CRADD: variants seen among roughly 807,000 people sequenced by gnomAD.
CRADD encodes death domain-containing protein CRADD.
In CRADD, 9 loss-of-function variants were observed where a neutral mutation model predicts 15.5. The observed-to-expected ratio is 0.58, with a 90% CI of 0.35 to 1.01. The LOEUF is 1.01. Ranked by LOEUF, CRADD falls within the 50% of genes least tolerant of loss-of-function variation. The probability of loss-of-function intolerance (pLI) is 0.02; values close to 1 mark genes in which losing one functional copy is unlikely to be tolerated. For synonymous variants in CRADD, 118 were observed against 107.6 expected (o/e 1.10, Z -0.60); for missense variants, 227 against 250.3 (o/e 0.91, Z 0.63).
intron 2 of CRADD, among the ~76,000 whole-genome samples, chr12:93,723,295 T>C (rs993633954): frequency 6.6e-6 from 1 of 152,228 alleles, no homozygotes; most frequent in Non-Finnish European, 1.5e-5. Context: ...ACAAGATTCC[T>C]AAACTTCCCA....
At chr12:93,888,764 C>A (rs1958556166) in intron 2 of CRADD, among the ~76,000 whole-genome samples, 1 of 152,106 alleles carries the variant, frequency 6.6e-6, no homozygotes, top group Non-Finnish European at 1.5e-5. Flanking sequence ...GAGAAGTAGA[C>A]AGATTCAAGA....
At chr12:93,834,459 AATG>A (rs1208637582) in intron 2 of CRADD, among the ~76,000 whole-genome samples, 1 of 152,150 alleles carries the variant, frequency 6.6e-6, no homozygotes, top group East Asian at 1.9e-4. Flanking sequence ...TGAAGTATAT[AATG>A]TTATGTTCAG....
At chr12:93,727,213 A>T (rs965875774) in intron 2 of CRADD, among the ~76,000 whole-genome samples, 24 of 152,168 alleles carry the variant, frequency 1.6e-4, no homozygotes, top group African/African-American at 5.8e-4. Context: ...GTGCATTTGA[A>T]TAATTGGACA....
chr12:93,877,703 C>T (rs539284950), intron 2 of CRADD, among the ~76,000 whole-genome samples: 30 of 152,244 alleles, frequency 2.0e-4, no homozygotes, highest in African/African-American at 6.5e-4. Flanking sequence ...CTTAAGTCAG[C>T]TTATGGTGAA....
intron 2 of CRADD, among the ~76,000 whole-genome samples, chr12:93,823,664 G>A (rs1041897833): frequency 2.6e-5 from 4 of 152,134 alleles, no homozygotes; most frequent in East Asian, 1.9e-4. Context: ...TGTTCTCATC[G>A]TGTCTAACTT....
intron 2 of CRADD, among the ~76,000 whole-genome samples, chr12:93,875,590 G>T (rs967528146): frequency 3.3e-5 from 5 of 151,502 alleles, no homozygotes; most frequent in African/African-American, 1.2e-4. Context: ...TTGGTTTGAG[G>T]TTACCACAAA....
chr12:93,830,175 C>T (rs1957877341), intron 2 of CRADD, among the ~76,000 whole-genome samples: 1 of 152,154 alleles, frequency 6.6e-6, no homozygotes, highest in Admixed American at 6.5e-5. Flanking sequence ...GAATCTGCCC[C>T]TTCCTCGAAT....
In CRADD at chr12:93,893,369, G is replaced by A. The variant is rs559248077; in HGVS notation, c.299-681G>A. On this transcript the variant is annotated intron_variant, in intron 2 of 2. Transcript: ENST00000548483. ...CCTCATTACTTTCTGTTTGTTCATT[G>A]GACGGACACAATTCCTAGGGTGTTG... 1.7e-4 allele frequency among the ~76,000 whole-genome samples: 26 copies of A among 151,864 alleles called. No individual in the cohort carries two copies. In the South Asian group the frequency reaches 5.2e-3, roughly 30 times the overall value.
intron 2 of CRADD, among the ~76,000 whole-genome samples, chr12:93,847,060 G>A (rs970327772): frequency 1.3e-5 from 2 of 152,126 alleles, no homozygotes; most frequent in East Asian, 1.9e-4. Flanking sequence ...CTGAGATCAC[G>A]CCACTGCACT....
At chr12:93,857,957 A>G in intron 2 of CRADD, among the ~76,000 whole-genome samples, 1 of 152,232 alleles carries the variant, frequency 6.6e-6, no homozygotes, top group East Asian at 1.9e-4. Context: ...TTCCAACAAT[A>G]TATTTTTGTC....
rs190684170 is a variant in CRADD, at chr12:93,679,040, C to G, written c.266C>G (p.Ala89Gly). The change falls in exon 2 of 3, where the codon GCA becomes GGA. Residue 89 changes from alanine to glycine, a missense_variant. By Grantham distance (60) the Ala-to-Gly change is moderately conservative. Transcript: ENST00000332896. Reference sequence around the variant, plus strand: ...TGGGTCAGGGAGAAGCTGAAGAAGGCAAGGGAAGAGGCCATGACCGACCTG... The same window carrying G: ...TGGGTCAGGGAGAAGCTGAAGAAGGGAAGGGAAGAGGCCATGACCGACCTG... ...FPWVREKLKKAREEAMTDLPA... is the reference protein window; with the variant it reads ...FPWVREKLKKGREEAMTDLPA... 1.2e-6 allele frequency: 2 copies of G among 1,614,040 alleles called. No homozygotes were observed. Among genetic ancestry groups the G allele is most frequent in the East Asian group, 4.5e-5 (2 of 44,892 alleles).
chr12:93,780,061 G>A (rs1328103304), intron 2 of CRADD, among the ~76,000 whole-genome samples: 1 of 152,160 alleles, frequency 6.6e-6, no homozygotes, highest in Admixed American at 6.5e-5. Flanking sequence ...TGAAGAGAAT[G>A]TTAAAGACAA....
chr12:93,804,455 G>GT (rs1957513090), intron 2 of CRADD, among the ~76,000 whole-genome samples: 1 of 152,100 alleles, frequency 6.6e-6, no homozygotes, highest in African/African-American at 2.4e-5. Flanking sequence ...AGATGCTCTG[G>GT]TAAGTGCTGA....
At chr12:93,737,551 C>A (rs1233554388) in intron 2 of CRADD, 1 of 152,186 alleles carries the variant, frequency 6.6e-6, no homozygotes, top group East Asian at 1.9e-4. Context: ...GAACTCTGCT[C>A]CCTCTTAGTC....
At chr12:93,725,500 C>A (rs1005872689) in intron 2 of CRADD, among the ~76,000 whole-genome samples, 2 of 150,002 alleles carry the variant, frequency 1.3e-5, no homozygotes, top group African/African-American at 2.5e-5. Flanking sequence ...CCAATCCTGC[C>A]CTACTCCTCT....
At chr12:93,842,367 T>C (rs1958059206) in intron 2 of CRADD, among the ~76,000 whole-genome samples, 1 of 152,146 alleles carries the variant, frequency 6.6e-6, no homozygotes, top group Non-Finnish European at 1.5e-5. Flanking sequence ...TTAGAAGACA[T>C]GGCTTTTTTT....
intron 2 of CRADD, among the ~76,000 whole-genome samples, chr12:93,835,230 G>T (rs183438416): frequency 6.6e-6 from 1 of 152,038 alleles, no homozygotes; most frequent in Non-Finnish European, 1.5e-5. Flanking sequence ...ATCCCTAGGA[G>T]TAATATTTAT....
At chr12:93,758,798 G>T (rs937505221) in intron 2 of CRADD, among the ~76,000 whole-genome samples, 1 of 152,048 alleles carries the variant, frequency 6.6e-6, no homozygotes, top group African/African-American at 2.4e-5. Context: ...GCTTCATTAA[G>T]ATCCTGGGTA....
At chr12:93,721,006 A>G (rs901076733) in intron 2 of CRADD, among the ~76,000 whole-genome samples, 1 of 151,742 alleles carries the variant, frequency 6.6e-6, no homozygotes, top group African/African-American at 2.4e-5. Flanking sequence ...TATCTTCCAC[A>G]CTTTTTTGCC....
Sources: gnomAD v4.1 joint callset for allele counts (sites outside exome capture counted in the v4.1 genomes callset) on GRCh38, gnomAD v4.1.1 for gene constraint, MANE v1.5 for transcripts, NCBI Gene and HGNC (gene_info 2026-07-23, HGNC 2026-07-21) for gene names.